Variants in DLG2 observed in about 807,000 individuals in gnomAD.
The protein encoded by DLG2 is discs large MAGUK scaffold protein 2, also known as disks large homolog 2.
A neutral mutation model predicts 132.5 loss-of-function variants in DLG2; 45 were observed. The observed-to-expected ratio is 0.34, with a 90% CI of 0.27 to 0.44. DLG2 has a LOEUF of 0.44. DLG2 is among the 20% of genes least tolerant of loss of function. DLG2 has a pLI of 1.00. For synonymous variants in DLG2, 424 were observed against 419.6 expected (o/e 1.01, Z -0.13); for missense variants, 1,045 against 1,196.9 (o/e 0.87, Z 1.87).
intron 3 of DLG2, among the ~76,000 whole-genome samples, chr11:85,438,369 G>A (rs1206617128): frequency 6.6e-5 from 10 of 151,942 alleles, no homozygotes; most frequent in Admixed American, 6.6e-4. Flanking sequence ...CTTAGTTGTT[G>A]TTTTTCTTGT....
intron 10 of DLG2, among the ~76,000 whole-genome samples, chr11:84,073,100 T>C (rs1019693498): frequency 6.6e-6 from 1 of 152,178 alleles, no homozygotes; most frequent in African/African-American, 2.4e-5. Flanking sequence ...CCTCACAGGG[T>C]AGAACAGAGT....
rs1020092706 is a variant in DLG2, at chr11:85,317,888, ATG to A, written c.41-32525_41-32524del. On this transcript the variant is annotated intron_variant, in intron 3 of 27. Coordinates refer to ENST00000376104, the MANE Select transcript of DLG2 (RefSeq NM_001142699.3). ...TTTTACCTATGTAACATATCTGCAT[ATG>A]TACCCTGAACCTAAAAAAAAAATAG... Among the ~76,000 whole-genome samples, 21 of 151,880 alleles carry A rather than the reference ATG, an allele frequency of 1.4e-4. No homozygotes were observed. In the South Asian group the frequency reaches 1.4e-3, roughly 10 times the overall value.
intron 19 of DLG2, among the ~76,000 whole-genome samples, chr11:83,553,251 T>A (rs1045111006): frequency 4.6e-5 from 7 of 152,332 alleles, no homozygotes; most frequent in Non-Finnish European, 7.3e-5. Flanking sequence ...TAAGATTTTT[T>A]AAAATTTTTA....
intron 6 of DLG2, among the ~76,000 whole-genome samples, chr11:85,098,914 C>T (rs546144345): frequency 3.7e-4 from 57 of 152,300 alleles, no homozygotes; most frequent in African/African-American, 1.4e-3. Flanking sequence ...TCTCCACCTG[C>T]TCCAGTCATG....
At chr11:84,371,104 A>G (rs773713213) in intron 7 of DLG2, among the ~76,000 whole-genome samples, 3 of 152,084 alleles carry the variant, frequency 2.0e-5, no homozygotes, top group Non-Finnish European at 4.4e-5. Context: ...TAATGTTTCT[A>G]CTGGTTCTTT....
At chr11:83,738,467 A>C (rs2092201781) in intron 18 of DLG2, among the ~76,000 whole-genome samples, 1 of 152,088 alleles carries the variant, frequency 6.6e-6, no homozygotes, top group Non-Finnish European at 1.5e-5. Context: ...TGTCTAGCAC[A>C]CTCAGCTGAG....
intron 4 of DLG2, among the ~76,000 whole-genome samples, chr11:85,156,914 C>T (rs2152463850): frequency 6.6e-6 from 1 of 152,238 alleles, no homozygotes; most frequent in Non-Finnish European, 1.5e-5. Flanking sequence ...TGAGTGTCAA[C>T]TTGATTGGAC....
intron 3 of DLG2, among the ~76,000 whole-genome samples, chr11:85,389,663 G>C (rs985081384): frequency 2.6e-5 from 4 of 152,096 alleles, no homozygotes; most frequent in African/African-American, 9.7e-5. Flanking sequence ...CAGTTTTCTT[G>C]GCAGAAACTC....
chr11:83,720,294 GAA>G (rs10573464), intron 18 of DLG2, among the ~76,000 whole-genome samples: 267 of 27,226 alleles, frequency 9.8e-3, no homozygotes, highest in South Asian at 0.015. Context: ...CTCCATCTCA[GAA>G]AAAAAAAAAA....
intron 6 of DLG2, among the ~76,000 whole-genome samples, chr11:84,570,075 A>C (rs1401409693): frequency 1.3e-5 from 2 of 152,150 alleles, no homozygotes; most frequent in African/African-American, 4.8e-5. Flanking sequence ...ATAACCAAAA[A>C]AATAACTAGG....
At chr11:83,896,980 T>C (rs1037254032) in intron 15 of DLG2, among the ~76,000 whole-genome samples, 1 of 152,230 alleles carries the variant, frequency 6.6e-6, no homozygotes, top group African/African-American at 2.4e-5. Context: ...CTAGGTTGTT[T>C]ATAAAAGTTT....
At chr11:83,972,577 T>A (rs2091529664) in intron 12 of DLG2, among the ~76,000 whole-genome samples, 1 of 152,134 alleles carries the variant, frequency 6.6e-6, no homozygotes, top group Non-Finnish European at 1.5e-5. Context: ...CATATTCATC[T>A]CTATTCCCCT....
At chr11:85,406,515 G>A (rs930864488) in intron 3 of DLG2, among the ~76,000 whole-genome samples, 2 of 151,826 alleles carry the variant, frequency 1.3e-5, no homozygotes, top group Non-Finnish European at 1.5e-5. Context: ...GTGTCATCAT[G>A]TTGCTGAGAC....
chr11:84,044,752 A>G (rs2096201079), intron 11 of DLG2, among the ~76,000 whole-genome samples: 1 of 151,620 alleles, frequency 6.6e-6, no homozygotes, highest in Non-Finnish European at 1.5e-5. Context: ...CTCAATCACA[A>G]GTTTCAACTA....
At chr11:84,332,951 A>G (rs1395816145) in intron 7 of DLG2, among the ~76,000 whole-genome samples, 1 of 152,186 alleles carries the variant, frequency 6.6e-6, no homozygotes, top group African/African-American at 2.4e-5. Flanking sequence ...ACACAGCTAC[A>G]ATACAGACTC....
At chr11:84,871,465 CT>C (rs1232232166) in intron 6 of DLG2, among the ~76,000 whole-genome samples, 1 of 152,124 alleles carries the variant, frequency 6.6e-6, no homozygotes, top group Non-Finnish European at 1.5e-5. Context: ...GTAACATAGG[CT>C]TTTTGTTTGT....
chr11:84,543,972 CTA>C (rs1414670339), intron 6 of DLG2, among the ~76,000 whole-genome samples: 1 of 152,192 alleles, frequency 6.6e-6, no homozygotes, highest in Admixed American at 6.5e-5. Flanking sequence ...ATTTTAAACT[CTA>C]TGTAATTACC....
intron 6 of DLG2, among the ~76,000 whole-genome samples, chr11:84,675,051 C>T (rs2099709799): frequency 6.6e-6 from 1 of 152,102 alleles, no homozygotes; most frequent in African/African-American, 2.4e-5. Flanking sequence ...CAGCATCTGC[C>T]TCTCTTTCTT....
At chr11:84,995,984 A>G (rs1365127644) in intron 6 of DLG2, among the ~76,000 whole-genome samples, 4 of 152,138 alleles carry the variant, frequency 2.6e-5, no homozygotes, top group Admixed American at 6.6e-5. Context: ...TCTATTGACC[A>G]GCTCAGCTGA....
Sources: gnomAD v4.1 joint callset for allele counts (sites outside exome capture counted in the v4.1 genomes callset) on GRCh38, gnomAD v4.1.1 for gene constraint, MANE v1.5 for transcripts, NCBI Gene and HGNC (gene_info 2026-07-23, HGNC 2026-07-21) for gene names.